Variants in GLT8D2 observed in about 807,000 individuals in gnomAD.
GLT8D2 encodes glycosyltransferase 8 domain containing 2.
Under a neutral mutation model 44.5 loss-of-function variants are expected in GLT8D2, and 45 were observed. That is an observed-to-expected ratio of 1.01 (90% CI 0.80 to 1.30). The LOEUF (loss-of-function observed/expected upper bound fraction) is 1.30. Ranked by LOEUF, GLT8D2 falls within the 50% of genes most tolerant of loss-of-function variation. The pLI, the probability that GLT8D2 is intolerant of heterozygous loss-of-function variation, is 0.00. For synonymous variants in GLT8D2, 156 were observed against 157.2 expected, an observed-to-expected ratio of 0.99 and a Z score of 0.06; for missense variants, 400 against 430.4, an observed-to-expected ratio of 0.93 and a Z score of 0.62.
rs769733742 is a variant in GLT8D2 at position 103,997,454 on chromosome 12, G to T, written c.484C>A (p.Gln162Lys). The change falls in exon 7 of 11, where the codon CAA becomes AAA. Residue 162 changes from glutamine (Q) to lysine (K), a missense_variant. Physicochemically the swap from Gln to Lys is moderately conservative, Grantham distance 53. Coordinates refer to ENST00000360814, the MANE Select transcript of GLT8D2 (RefSeq NM_001384711.1). ...TCTTGGCAGTTAGCGAGAGTACCTT[G>T]TACAATTACATCATCGTCCAAATAG... ...VIYLDDDVIV[Q>K]GDIQELYDTT... is the part of the protein sequence containing the mutation. 6.2e-7 allele frequency: 1 copy of T among 1,607,720 alleles called. No homozygotes were observed. The highest frequency in any genetic ancestry group is 1.7e-5 in the Admixed American group (1 of 60,014).
chr12:103,996,950 G>C (rs1271978294), intron 7 of GLT8D2, 103 bp from the exon 8 acceptor site: 1 of 692,832 alleles, frequency 1.4e-6, no homozygotes, highest in Admixed American at 3.0e-5. Flanking sequence ...TGGGAGAAGA[G>C]TATTGGATCC....
chr12:104,013,786 A>G (rs563804736), intron 4 of GLT8D2, among the ~76,000 whole-genome samples: 6 of 152,084 alleles, frequency 3.9e-5, no homozygotes, highest in Non-Finnish European at 8.8e-5. Context: ...CTGTCATCCA[A>G]GCTGGAGTGC....
rs1872443396 is a variant in GLT8D2, at chr12:103,989,506, G to A, written c.952C>T (p.His318Tyr). The change falls in exon 11 of 11, where the codon CAT becomes TAT. Residue 318 changes from histidine to tyrosine, a missense_variant. Transcript: ENST00000360814. Reference sequence around the variant, plus strand: ...ACACTAGGGAAGTCCCAAGGTTTATGTCTTCCATTCCAGTGGAGTAATTTA... The same window carrying A: ...ACACTAGGGAAGTCCCAAGGTTTATATCTTCCATTCCAGTGGAGTAATTTA... ...EAKLLHWNGR[H>Y]KPWDFPSVHN... 1 of 1,613,558 alleles carries A rather than the reference G, an allele frequency of 6.2e-7. No homozygotes were observed. The highest frequency in any genetic ancestry group is 8.5e-7 in the Non-Finnish European group (1 of 1,179,698).
At chr12:104,063,525 G>A (rs144845378) in intron 1 of GLT8D2, among the ~76,000 whole-genome samples, 16 of 152,286 alleles carry the variant, frequency 1.1e-4, no homozygotes, top group Non-Finnish European at 1.9e-4. Context: ...CGGCAACAGA[G>A]CCAGACCCTA....
chr12:104,056,905 T>A (rs534175684), intron 1 of GLT8D2, among the ~76,000 whole-genome samples: 17 of 152,306 alleles, frequency 1.1e-4, no homozygotes, highest in African/African-American at 4.1e-4. Flanking sequence ...CCTCTTTATC[T>A]CCAAGTAACA....
chr12:104,029,020 A>C (rs1878915838), intron 1 of GLT8D2, among the ~76,000 whole-genome samples: 1 of 152,150 alleles, frequency 6.6e-6, no homozygotes, highest in African/African-American at 2.4e-5. Context: ...GGCTGGGCTC[A>C]GTGGCTCACG....
chr12:104,046,736 T>C (rs567748649), intron 1 of GLT8D2, among the ~76,000 whole-genome samples: 116 of 152,360 alleles, frequency 7.6e-4, no homozygotes, highest in African/African-American at 2.2e-3. Flanking sequence ...CTCAGGAGTC[T>C]GTCCTCTAAC....
chr12:104,046,826 T>C (rs1881199950), intron 1 of GLT8D2, among the ~76,000 whole-genome samples: 1 of 152,076 alleles, frequency 6.6e-6, no homozygotes, highest in Non-Finnish European at 1.5e-5. Flanking sequence ...AACAGGTGTC[T>C]TACTCCATTT....
At chr12:104,012,190 AT>A (rs34853472) in intron 4 of GLT8D2, among the ~76,000 whole-genome samples, 9,767 of 91,306 alleles carry the variant, frequency 0.11, 626 homozygotes, top group African/African-American at 0.24. Context: ...AAAAAAAAAA[AT>A]ATATATATAT....
At chr12:104,055,316 C>G (rs958408888) in intron 1 of GLT8D2, among the ~76,000 whole-genome samples, 1 of 152,194 alleles carries the variant, frequency 6.6e-6, no homozygotes, top group African/African-American at 2.4e-5. Flanking sequence ...TCTCAGGACA[C>G]TGAACAGGTT....
chr12:104,026,398 G>T (rs934917892), intron 1 of GLT8D2, among the ~76,000 whole-genome samples: 1 of 151,926 alleles, frequency 6.6e-6, no homozygotes. Context: ...ATTCTAATTC[G>T]ATCTTTGCTT....
intron 1 of GLT8D2, among the ~76,000 whole-genome samples, chr12:104,022,251 A>G (rs1487574957): frequency 1.3e-5 from 2 of 152,068 alleles, no homozygotes; most frequent in Non-Finnish European, 2.9e-5. Flanking sequence ...TAGGATGTTT[A>G]TCTGGTCCCA....
At chr12:103,999,549 C>A in intron 5 of GLT8D2, 35 bp from the exon 6 acceptor site, 1 of 1,256,126 alleles carries the variant, frequency 8.0e-7, no homozygotes, top group South Asian at 1.2e-5. Flanking sequence ...CTAGTATACC[C>A]TTCAATTCTT....
Position 104,005,732 on chromosome 12 carries a change from A to T in GLT8D2, c.113-2426T>A, listed in dbSNP as rs537303482. On this transcript the variant is annotated intron_variant, in intron 4 of 10. Coordinates refer to ENST00000360814, the MANE Select transcript of GLT8D2 (RefSeq NM_001384711.1). ...GGTGATCATTAAAAGGTCAGGAAACAACAGGTCCTGGAGAGGATGTGGAGA... is the reference window on the plus strand; with the variant it reads ...GGTGATCATTAAAAGGTCAGGAAACTACAGGTCCTGGAGAGGATGTGGAGA... Among the ~76,000 whole-genome samples, 32 of 152,320 alleles carry T rather than the reference A, an allele frequency of 2.1e-4. No individual in the cohort carries two copies. In the South Asian group the frequency reaches 6.4e-3, roughly 31 times the overall value.
rs527597208 is a variant in GLT8D2, at chr12:104,019,636, G to C, written c.13C>G (p.Arg5Gly). The C allele has an allele frequency of 2.5e-6, 4 of 1,609,122 alleles. No individual in the cohort carries two copies. The highest frequency in any genetic ancestry group is 2.2e-5 in the South Asian group (2 of 90,486). Residue 5 changes from arginine (R) to glycine (G), a missense_variant, in exon 3 of 11, where the codon CGA becomes GGA. Physicochemically the swap from Arg to Gly is moderately radical, Grantham distance 125 (BLOSUM62 -2). Coordinates refer to ENST00000360814, the MANE Select transcript of GLT8D2 (RefSeq NM_001384711.1). Reference protein sequence around the residue: MALLRKINQVLLFLL... With the variant: MALLGKINQVLLFLL... ...TCAAAAGTTGAAATCTTACTTTTTCGTAACAGAGCCATGTGTATTCACGCG... is the reference window on the plus strand; with the variant it reads ...TCAAAAGTTGAAATCTTACTTTTTCCTAACAGAGCCATGTGTATTCACGCG...
In GLT8D2 at chr12:104,050,090, C is replaced by G. The variant is rs897706208; in HGVS notation, c.-359G>C. On this transcript the variant is annotated 5_prime_UTR_variant, in exon 1 of 11. Coordinates refer to ENST00000360814, the MANE Select transcript of GLT8D2 (RefSeq NM_001384711.1). Reference sequence around the variant, plus strand: ...TTCCAAAAGAATATTCCTCCCCGACCCGCACTCCCCTTTGCTTGCGTTGAC... The same window carrying G: ...TTCCAAAAGAATATTCCTCCCCGACGCGCACTCCCCTTTGCTTGCGTTGAC... The G allele has an allele frequency of 1.3e-5, 2 of 152,278 alleles. No individual in the cohort carries two copies. Among genetic ancestry groups the G allele is most frequent in the Admixed American group, 1.3e-4 (2 of 15,284 alleles). 9.4% of individuals were successfully genotyped at this position (152,278 alleles called of 1,614,324 possible). A position where few individuals can be genotyped will look rare whatever the true frequency, so the allele number is the denominator to read the frequency against.
At chr12:104,015,436 A>ACACACAC (rs1555278722) in intron 3 of GLT8D2, among the ~76,000 whole-genome samples, 48 of 148,376 alleles carry the variant, frequency 3.2e-4, no homozygotes, top group Middle Eastern at 3.5e-3. Context: ...ACACACACAC[A>ACACACAC]AATTAGCTGG....
At position 103,999,403 on chromosome 12, in the gene GLT8D2, G is replaced by C; in HGVS notation, c.396C>G (p.Leu132=). ...CTGTGTGGTCCCTACTTACAGGCTGGAGCAATTCAGGCCTCGATGAGTCTG... is the reference window on the plus strand; with the variant it reads ...CTGTGTGGTCCCTACTTACAGGCTGCAGCAATTCAGGCCTCGATGAGTCTG... The part of the protein sequence containing the change: ...IRPDSSRPEL[L]QPLNFVRFYL... Residue 132 remains leucine (L), a synonymous_variant, in exon 6 of 11, where the codon CTC becomes CTG. Transcript: ENST00000360814. 6.3e-7 allele frequency: 1 copy of C among 1,597,228 alleles called. No individual in the cohort carries two copies. The highest frequency in any genetic ancestry group is 8.6e-7 in the Non-Finnish European group (1 of 1,164,668).
chr12:104,001,030 A>G (rs1301138211), intron 5 of GLT8D2, among the ~76,000 whole-genome samples: 1 of 152,222 alleles, frequency 6.6e-6, no homozygotes, highest in Non-Finnish European at 1.5e-5. Context: ...TCCTCCCAAG[A>G]GATAGTGTTA....
Sources: allele counts gnomAD v4.1 joint callset (sites outside exome capture counted in the v4.1 genomes callset), GRCh38; gene constraint gnomAD v4.1.1; transcripts MANE v1.5; gene names NCBI Gene and HGNC (gene_info 2026-07-23, HGNC 2026-07-21).